The following STPG2 variants were observed in gnomAD, a reference collection of about 807,000 sequenced individuals.
The protein encoded by STPG2 is sperm-tail PG-rich repeat-containing protein 2.
STPG2 carries 56 observed loss-of-function variants against 54.2 expected under a neutral mutation model. The ratio of observed to expected loss-of-function variants is 1.03; its 90% CI spans 0.83 to 1.29. The LOEUF (loss-of-function observed/expected upper bound fraction) is 1.29, where lower values mean the gene tolerates loss of function less well. Among genes scored for constraint, STPG2 ranks in the 50% most tolerant of loss-of-function variants. The pLI, the probability that STPG2 is intolerant of heterozygous loss-of-function variation, is 0.00. For synonymous variants in STPG2, 200 were observed against 181.8 expected (o/e 1.10, Z -0.81); for missense variants, 596 against 544.9 (o/e 1.09, Z -0.93).
chr4:97,658,295 T>G (rs749296110), intron 10 of STPG2, among the ~76,000 whole-genome samples: 3 of 152,246 alleles, frequency 2.0e-5, no homozygotes, highest in Admixed American at 6.5e-5. Context: ...GCCATTGTCC[T>G]CTAGTAGATG....
At chr4:97,508,880 A>T (rs1415741026) in intron 4 of STPG2, among the ~76,000 whole-genome samples, 1 of 152,146 alleles carries the variant, frequency 6.6e-6, no homozygotes, top group African/African-American at 2.4e-5. Context: ...GTAGAGAAGC[A>T]AACACTCTAA....
At chr4:97,778,441 G>C (rs1726460508) in intron 9 of STPG2, among the ~76,000 whole-genome samples, 1 of 152,168 alleles carries the variant, frequency 6.6e-6, no homozygotes, top group African/African-American at 2.4e-5. Context: ...CAGGAAGCTT[G>C]TACTGGGTGG....
chr4:97,980,887 GA>G (rs576256070), intron 6 of STPG2, among the ~76,000 whole-genome samples: 2 of 151,638 alleles, frequency 1.3e-5, no homozygotes, highest in Non-Finnish European at 2.9e-5. Flanking sequence ...CATCTGCCAA[GA>G]AAAAAATCAG....
intron 10 of STPG2, among the ~76,000 whole-genome samples, chr4:97,683,858 A>G (rs1164265665): frequency 2.0e-5 from 3 of 151,870 alleles, no homozygotes; most frequent in Non-Finnish European, 4.4e-5. Flanking sequence ...TTGTCTATGT[A>G]GAAAATTTCA....
chr4:97,904,444 A>C (rs1405621282), intron 8 of STPG2, among the ~76,000 whole-genome samples: 2 of 152,140 alleles, frequency 1.3e-5, no homozygotes, highest in Non-Finnish European at 2.9e-5. Context: ...CACACCAAAA[A>C]CCCATCTGTA....
intron 5 of STPG2, among the ~76,000 whole-genome samples, chr4:97,985,377 T>C (rs1344210049): frequency 6.6e-6 from 1 of 152,196 alleles, no homozygotes; most frequent in African/African-American, 2.4e-5. Context: ...TCAGATGTTT[T>C]TAATATGCAT....
chr4:97,487,541 T>C (rs948320006), intron 4 of STPG2, among the ~76,000 whole-genome samples: 1 of 151,612 alleles, frequency 6.6e-6, no homozygotes, highest in Admixed American at 6.6e-5. Context: ...CACACCATTT[T>C]TTTTACATCT....
chr4:97,477,147 T>C (rs1730092027), intron 4 of STPG2, among the ~76,000 whole-genome samples: 1 of 152,234 alleles, frequency 6.6e-6, no homozygotes, highest in Non-Finnish European at 1.5e-5. Flanking sequence ...CATATTGGTA[T>C]GTAACCCCTC....
At chr4:98,073,836 T>C (rs1738078804) in intron 5 of STPG2, among the ~76,000 whole-genome samples, 1 of 152,204 alleles carries the variant, frequency 6.6e-6, no homozygotes, top group Non-Finnish European at 1.5e-5. Context: ...ACATTGCAAG[T>C]ATATTTTAAG....
rs1723537847 is a variant in STPG2 at position 97,695,402 on chromosome 4, A to T, written c.1320+17297T>A. 2.0e-5 allele frequency among the ~76,000 whole-genome samples: 3 copies of T among 152,192 alleles called. No individual in the cohort carries two copies. In the South Asian group the frequency reaches 6.2e-4, roughly 31 times the overall value. ...AGCCAACATTATACTGAATGGGGAAAAGTTGAAAGCATTCTTCCTGAGAAC... is the reference window on the plus strand; with the variant it reads ...AGCCAACATTATACTGAATGGGGAATAGTTGAAAGCATTCTTCCTGAGAAC... On this transcript the variant is annotated intron_variant, in intron 10 of 10. Transcript: ENST00000295268.
At chr4:97,487,177 G>C (rs1324856054) in intron 4 of STPG2, among the ~76,000 whole-genome samples, 3 of 150,212 alleles carry the variant, frequency 2.0e-5, no homozygotes, top group African/African-American at 7.3e-5. Flanking sequence ...AATATCACCT[G>C]TCTATACCCC....
intron 7 of STPG2, among the ~76,000 whole-genome samples, chr4:97,950,664 T>A (rs979495484): frequency 5.9e-5 from 9 of 152,144 alleles, no homozygotes; most frequent in African/African-American, 2.2e-4. Context: ...ACTGAGAAAA[T>A]TATTTCAGTG....
chr4:97,801,881 T>C (rs934844585), intron 9 of STPG2, among the ~76,000 whole-genome samples: 1 of 152,170 alleles, frequency 6.6e-6, no homozygotes, highest in African/African-American at 2.4e-5. Context: ...CAAACTTTAA[T>C]AAAGGATTGG....
intron 5 of STPG2, among the ~76,000 whole-genome samples, chr4:98,052,169 G>A (rs2149314694): frequency 6.6e-6 from 1 of 151,778 alleles, no homozygotes; most frequent in Middle Eastern, 3.4e-3. Context: ...TGGGGAAAAA[G>A]GATATGATAG....
chr4:97,735,909 A>C (rs1040976894), intron 9 of STPG2, among the ~76,000 whole-genome samples: 9 of 152,176 alleles, frequency 5.9e-5, no homozygotes, highest in Admixed American at 3.3e-4. Flanking sequence ...TCTCAAAAGA[A>C]GACATGCAAA....
rs2149034626 is a variant in STPG2 at position 97,739,420 on chromosome 4, C to T, written c.1205-26606G>A. Among the ~76,000 whole-genome samples the T allele has an allele frequency of 2.0e-5, 3 of 152,120 alleles. No homozygotes were observed. In the South Asian group the frequency reaches 6.2e-4, roughly 32 times the overall value. On this transcript the variant is annotated intron_variant, in intron 9 of 10. Transcript: ENST00000295268. ...AAACCCTTCAAAAAATTAATGAATC[C>T]AGGAGCTGGTTTTTTGAAAGGATCA...
At chr4:97,894,320 A>G (rs1730881141) in intron 8 of STPG2, among the ~76,000 whole-genome samples, 1 of 151,940 alleles carries the variant, frequency 6.6e-6, no homozygotes, top group South Asian at 2.1e-4. Context: ...AAAATATTAC[A>G]ATTTTCCTCA....
intron 10 of STPG2, among the ~76,000 whole-genome samples, chr4:97,574,870 A>G (rs905247251): frequency 1.1e-4 from 17 of 151,990 alleles, no homozygotes; most frequent in Non-Finnish European, 2.4e-4. Flanking sequence ...TTTCCAATGT[A>G]TATGTAAAAA....
At chr4:97,453,053 TAC>T (rs1215268719) in intron 4 of STPG2, among the ~76,000 whole-genome samples, 7 of 152,220 alleles carry the variant, frequency 4.6e-5, no homozygotes, top group Admixed American at 4.6e-4. Flanking sequence ...TGAACTTGTT[TAC>T]CACCTTGTGG....
Sources: allele counts gnomAD v4.1 joint callset (sites outside exome capture counted in the v4.1 genomes callset), GRCh38; gene constraint gnomAD v4.1.1; transcripts MANE v1.5; gene names NCBI Gene and HGNC (gene_info 2026-07-23, HGNC 2026-07-21).